The following ANKRD44 variants were observed in gnomAD, a reference collection of about 807,000 sequenced individuals.
ANKRD44 encodes ankyrin repeat domain 44, also known as serine/threonine-protein phosphatase 6 regulatory ankyrin repeat subunit B.
ANKRD44 carries 35 observed loss-of-function variants against 116.0 expected under a neutral mutation model. The observed-to-expected ratio is 0.30, with a 90% CI of 0.23 to 0.40. ANKRD44 has a LOEUF of 0.40. Ranked by LOEUF, ANKRD44 falls within the 10% of genes least tolerant of loss-of-function variation. The pLI, the probability that ANKRD44 is intolerant of heterozygous loss-of-function variation, is 1.00. For synonymous variants in ANKRD44, 435 were observed against 461.8 expected (o/e 0.94, Z 0.74); for missense variants, 1,014 against 1,242.6 (o/e 0.82, Z 2.77).
At chr2:197,305,088 T>C (rs886300056) in intron 1 of ANKRD44, among the ~76,000 whole-genome samples, 3 of 152,198 alleles carry the variant, frequency 2.0e-5, no homozygotes, top group African/African-American at 7.2e-5. Context: ...CACCTATGAT[T>C]CTCAAACGGA....
intron 1 of ANKRD44, among the ~76,000 whole-genome samples, chr2:197,190,438 G>A (rs748403713): frequency 5.9e-5 from 9 of 152,176 alleles, no homozygotes; most frequent in South Asian, 2.1e-4. Context: ...GAAGCTGTGT[G>A]TTTGTATGGA....
At chr2:197,205,189 C>T (rs1338055444) in intron 1 of ANKRD44, among the ~76,000 whole-genome samples, 1 of 152,240 alleles carries the variant, frequency 6.6e-6, no homozygotes, top group African/African-American at 2.4e-5. Context: ...TTTTAAAAAG[C>T]ATCCCCTTTG....
chr2:197,206,001 G>A (rs2081197363), intron 1 of ANKRD44, among the ~76,000 whole-genome samples: 1 of 152,196 alleles, frequency 6.6e-6, no homozygotes, highest in African/African-American at 2.4e-5. Flanking sequence ...CTGAGACTTT[G>A]TCACTAACCT....
intron 21 of ANKRD44, among the ~76,000 whole-genome samples, chr2:197,002,228 T>C (rs1423245203): frequency 1.3e-5 from 2 of 152,208 alleles, no homozygotes; most frequent in African/African-American, 2.4e-5. Flanking sequence ...ACTTACATTA[T>C]GCATTCTAGT....
At chr2:197,081,555 C>G in intron 15 of ANKRD44, 90 bp downstream of exon 15, 2 of 1,205,256 alleles carry the variant, frequency 1.7e-6, no homozygotes, top group Non-Finnish European at 1.2e-6. Context: ...AGTGAAACCC[C>G]AAAATAGTAA....
At chr2:197,211,566 T>C (rs2081324705) in intron 1 of ANKRD44, among the ~76,000 whole-genome samples, 2 of 152,160 alleles carry the variant, frequency 1.3e-5, no homozygotes, top group Non-Finnish European at 1.5e-5. Flanking sequence ...TCCATGTTCA[T>C]TTCAATGGAA....
chr2:197,238,800 G>A (rs1043775647), intron 1 of ANKRD44, among the ~76,000 whole-genome samples: 15 of 151,856 alleles, frequency 9.9e-5, no homozygotes, highest in African/African-American at 3.6e-4. Flanking sequence ...AGCCTCCCAG[G>A]TTCAAGCAAT....
rs58942301 is a variant in ANKRD44 at position 196,987,840 on chromosome 2, A to ATT, written c.*1749_*1750dup. ...GCAACTAAGACTCAGTTAAAAACAC[A>ATT]TTTTTTTTTCTTAGAAAGCTATGGT... On this transcript the variant is annotated 3_prime_UTR_variant, in exon 28 of 28. Transcript: ENST00000282272. The ATT allele has an allele frequency of 9.7e-5, 95 of 980,292 alleles. No individual in the cohort carries two copies. The highest frequency in any genetic ancestry group is 1.1e-4 in the East Asian group (1 of 8,784). The allele number at this position is 980,292 out of a possible 1,614,324, so 60.7% of individuals were successfully genotyped here.
At chr2:197,305,977 A>ATATATG (rs71869512) in intron 1 of ANKRD44, among the ~76,000 whole-genome samples, 1 of 145,034 alleles carries the variant, frequency 6.9e-6, no homozygotes, top group Non-Finnish European at 1.5e-5. Flanking sequence ...TTATATATAT[A>ATATATG]TATATATATA....
chr2:197,008,864 C>T (rs1559413511), intron 19 of ANKRD44, 80 bp downstream of exon 19: 1 of 1,260,010 alleles, frequency 7.9e-7, no homozygotes, highest in Non-Finnish European at 1.2e-6. Flanking sequence ...CCGCAGTCAG[C>T]CTTGTAATGA....
chr2:197,056,027 T>G (rs2077195945), intron 16 of ANKRD44, among the ~76,000 whole-genome samples: 1 of 152,152 alleles, frequency 6.6e-6, no homozygotes, highest in South Asian at 2.1e-4. Flanking sequence ...TAAGTAGGAC[T>G]ACAGATGTGC....
At chr2:197,273,039 A>G (rs1402409910) in intron 1 of ANKRD44, among the ~76,000 whole-genome samples, 1 of 152,130 alleles carries the variant, frequency 6.6e-6, no homozygotes, top group Non-Finnish European at 1.5e-5. Flanking sequence ...AGATTTTGCT[A>G]TTTTCTTTCA....
chr2:196,981,175 T>A (rs77667176), intron 21 of ANKRD44, among the ~76,000 whole-genome samples: 300 of 152,300 alleles, frequency 2.0e-3, no homozygotes, highest in African/African-American at 7.0e-3. Context: ...CTGACCCCCA[T>A]TGACTACCAC....
At chr2:197,076,014 C>T (rs1321583984) in intron 16 of ANKRD44, among the ~76,000 whole-genome samples, 3 of 152,192 alleles carry the variant, frequency 2.0e-5, no homozygotes, top group African/African-American at 4.8e-5. Flanking sequence ...ACTCCAGCGC[C>T]CAGAGGACAA....
chr2:197,015,664 G>A lies in ANKRD44; in HGVS notation c.1723-1952C>T, dbSNP rs576896448. 13 of 557,592 alleles carry A rather than the reference G, an allele frequency of 2.3e-5. No individual in the cohort carries two copies. In the African/African-American group the frequency reaches 2.5e-4, roughly 11 times the overall value. 34.5% of individuals were successfully genotyped at this position (557,592 alleles called of 1,614,324 possible). A position where few individuals can be genotyped will look rare whatever the true frequency, so the allele number is the denominator to read the frequency against. On this transcript the variant is annotated intron_variant, in intron 17 of 27. Transcript: ENST00000282272. ...AGGTGGTGGCAGCAGAGGTAGTTAT[G>A]GAGGAGGTGATGGTGGGTGTAATGG...
chr2:197,309,558 T>G (rs565539407), intron 1 of ANKRD44, among the ~76,000 whole-genome samples: 2 of 152,236 alleles, frequency 1.3e-5, no homozygotes, highest in South Asian at 2.1e-4. Context: ...ATGGACAAGT[T>G]TGAGGTATTT....
At chr2:197,252,204 C>CCAAT (rs2082331726) in intron 1 of ANKRD44, among the ~76,000 whole-genome samples, 1 of 152,176 alleles carries the variant, frequency 6.6e-6, no homozygotes, top group South Asian at 2.1e-4. Flanking sequence ...AAAGAACAGG[C>CCAAT]ATTGGTATAC....
chr2:197,029,040 T>C lies in ANKRD44; in HGVS notation c.1651-3773A>G, dbSNP rs561598311. 49 of 157,302 alleles carry C rather than the reference T, an allele frequency of 3.1e-4. 1 individual carries two copies. In the South Asian group the frequency reaches 8.2e-3, roughly 26 times the overall value. 9.7% of individuals were successfully genotyped at this position (157,302 alleles called of 1,614,324 possible). The stretch of plus-strand genomic sequence containing the variant: ...ACATGTGCACAACGTGCAGGTTTCT[T>C]ACATATGTATACATGTGCCATGTTG... On this transcript the variant is annotated intron_variant, in intron 16 of 27. Transcript: ENST00000282272.
chr2:197,216,750 C>T (rs2081453272), intron 1 of ANKRD44, among the ~76,000 whole-genome samples: 1 of 152,024 alleles, frequency 6.6e-6, no homozygotes, highest in Non-Finnish European at 1.5e-5. Flanking sequence ...TGGACTTTTT[C>T]CAGCAGAAAA....
Sources: gnomAD v4.1 joint callset for allele counts (sites outside exome capture counted in the v4.1 genomes callset) on GRCh38, gnomAD v4.1.1 for gene constraint, MANE v1.5 for transcripts, NCBI Gene and HGNC (gene_info 2026-07-23, HGNC 2026-07-21) for gene names.